The following PLEKHA5 variants were observed in gnomAD, a reference collection of about 807,000 sequenced individuals.
PLEKHA5 encodes pleckstrin homology domain containing A5.
A neutral mutation model predicts 181.9 loss-of-function variants in PLEKHA5; 55 were observed. That is an observed-to-expected ratio of 0.30 (90% CI 0.24 to 0.38). PLEKHA5 has a LOEUF of 0.38. PLEKHA5 is among the 10% of genes least tolerant of loss of function. PLEKHA5 has a pLI of 1.00. For missense variants in PLEKHA5, 1,432 were observed against 1,549.5 expected (o/e 0.92, Z 1.27); for synonymous variants, 535 against 529.4 (o/e 1.01, Z -0.15).
At chr12:19,300,732 T>G (rs2081244417) in intron 15 of PLEKHA5, among the ~76,000 whole-genome samples, 1 of 152,314 alleles carries the variant, frequency 6.6e-6, no homozygotes, top group South Asian at 2.1e-4. Flanking sequence ...GATAAATCTT[T>G]GAATTAATGG....
chr12:19,214,997 G>A (rs927057789), intron 3 of PLEKHA5, among the ~76,000 whole-genome samples: 1 of 152,072 alleles, frequency 6.6e-6, no homozygotes, highest in Non-Finnish European at 1.5e-5. Flanking sequence ...GGCCAACATG[G>A]TGAAACCCCG....
chr12:19,137,709 A>G (rs1190349809), intron 3 of PLEKHA5, among the ~76,000 whole-genome samples: 1 of 152,166 alleles, frequency 6.6e-6, no homozygotes, highest in African/African-American at 2.4e-5. Flanking sequence ...GTGTGCCAGG[A>G]CTACCAGCCT....
chr12:19,271,503 A>AAAAAAAAT (rs1477533784), intron 10 of PLEKHA5, among the ~76,000 whole-genome samples: 3 of 152,016 alleles, frequency 2.0e-5, no homozygotes, highest in African/African-American at 7.2e-5. Flanking sequence ...GACCCTGTCA[A>AAAAAAAAT]AAAAAAATAA....
At chr12:19,334,068 A>G (rs1411302971) in intron 20 of PLEKHA5, among the ~76,000 whole-genome samples, 1 of 152,214 alleles carries the variant, frequency 6.6e-6, no homozygotes, top group Admixed American at 6.5e-5. Context: ...ACAAATACGT[A>G]AGGTCATATT....
At chr12:19,152,646 A>C (rs2040705852) in intron 3 of PLEKHA5, 1 of 152,188 alleles carries the variant, frequency 6.6e-6, no homozygotes, top group South Asian at 2.1e-4. Flanking sequence ...AGTATGTTTT[A>C]TTTCTTTAAT....
intron 2 of PLEKHA5, among the ~76,000 whole-genome samples, chr12:19,131,085 T>C (rs1226694973): frequency 6.6e-6 from 1 of 152,234 alleles, no homozygotes; most frequent in East Asian, 1.9e-4. Context: ...CGTGACTTGT[T>C]TGTCTTTGAA....
At chr12:19,292,628 G>A (rs1256932397) in intron 15 of PLEKHA5, among the ~76,000 whole-genome samples, 2 of 151,890 alleles carry the variant, frequency 1.3e-5, no homozygotes, top group African/African-American at 4.8e-5. Context: ...CCTGGTTGAG[G>A]TGAATGTTCA....
At chr12:19,134,380 G>C (rs1802919758) in intron 3 of PLEKHA5, among the ~76,000 whole-genome samples, 1 of 151,944 alleles carries the variant, frequency 6.6e-6, no homozygotes, top group Non-Finnish European at 1.5e-5. Context: ...GGTATTCATA[G>C]CCAGTAATTG....
At chr12:19,306,668 G>C in intron 15 of PLEKHA5, 1 of 1,462,776 alleles carries the variant, frequency 6.8e-7, no homozygotes, top group Admixed American at 1.7e-5. Context: ...ATCTCCCCGG[G>C]CGCTAGCTCT....
At chr12:19,322,779 C>T in intron 20 of PLEKHA5, 112 bp downstream of exon 20, 1 of 656,388 alleles carries the variant, frequency 1.5e-6, no homozygotes, top group South Asian at 2.3e-5. Context: ...ATTATTATAG[C>T]AGAAAATATT....
At chr12:19,272,688 G>C (rs2073282783) in intron 10 of PLEKHA5, among the ~76,000 whole-genome samples, 1 of 152,128 alleles carries the variant, frequency 6.6e-6, no homozygotes, top group Admixed American at 6.5e-5. Context: ...AGAGAGCCAA[G>C]ATCACGTCAC....
chr12:19,334,684 T>C (rs2093181598), intron 20 of PLEKHA5, among the ~76,000 whole-genome samples: 2 of 150,834 alleles, frequency 1.3e-5, no homozygotes, highest in South Asian at 4.2e-4. Flanking sequence ...TTTATTCATG[T>C]AAAAAGAATT....
At position 19,335,814 on chromosome 12, in the gene PLEKHA5, T is replaced by C. The variant is rs539432717; in HGVS notation, c.2449-701T>C. On this transcript the variant is annotated intron_variant, in intron 20 of 31. Coordinates refer to ENST00000429027, the MANE Select transcript of PLEKHA5 (RefSeq NM_001256470.2). ...GCCCAGCTAATTTTTGTGTTTTCAG[T>C]AGAGACAGGGTTTCACCATGTTGGC... Among the ~76,000 whole-genome samples the C allele has an allele frequency of 2.0e-5, 3 of 152,098 alleles. No homozygotes were observed. The East Asian group carries it at 5.8e-4, about 29-fold the overall frequency.
intron 3 of PLEKHA5, among the ~76,000 whole-genome samples, chr12:19,229,284 G>A (rs559625029): frequency 6.6e-6 from 1 of 152,324 alleles, no homozygotes; most frequent in East Asian, 1.9e-4. Flanking sequence ...GAATTGGTGG[G>A]TTCTTGGTGT....
At chr12:19,354,541 C>T (rs1358216502) in intron 26 of PLEKHA5, among the ~76,000 whole-genome samples, 39 of 145,196 alleles carry the variant, frequency 2.7e-4, no homozygotes, top group Admixed American at 4.2e-4. Flanking sequence ...AGTGCAGTGG[C>T]GTGATTTCAG....
chr12:19,200,231 A>G, intron 3 of PLEKHA5: 1 of 837,348 alleles, frequency 1.2e-6, no homozygotes, highest in Non-Finnish European at 1.9e-6. Context: ...CAACAAAAGT[A>G]TCACCCATCC....
At chr12:19,216,537 C>T (rs979161568) in intron 3 of PLEKHA5, among the ~76,000 whole-genome samples, 2 of 152,002 alleles carry the variant, frequency 1.3e-5, no homozygotes, top group Non-Finnish European at 2.9e-5. Flanking sequence ...GTAGCAGGCA[C>T]TTGTAGTCCC....
At chr12:19,229,659 G>A (rs1350179035) in intron 3 of PLEKHA5, among the ~76,000 whole-genome samples, 4 of 152,164 alleles carry the variant, frequency 2.6e-5, no homozygotes, top group Admixed American at 2.0e-4. Context: ...CGCAAAGAGC[G>A]AAAGAACAAA....
intron 5 of PLEKHA5, among the ~76,000 whole-genome samples, chr12:19,256,992 T>G (rs1345127598): frequency 6.6e-6 from 1 of 152,168 alleles, no homozygotes; most frequent in Admixed American, 6.5e-5. Context: ...TATCTGTATA[T>G]TTCTCCTCAG....
Sources: allele counts gnomAD v4.1 joint callset (sites outside exome capture counted in the v4.1 genomes callset), GRCh38; gene constraint gnomAD v4.1.1; transcripts MANE v1.5; gene names NCBI Gene and HGNC (gene_info 2026-07-23, HGNC 2026-07-21).